Variants in ADAM12 observed in about 807,000 individuals in gnomAD.
ADAM12 encodes the protein ADAM metallopeptidase domain 12.
A neutral mutation model predicts 106.4 loss-of-function variants in ADAM12; 70 were observed. That is an observed-to-expected ratio of 0.66 (90% confidence interval 0.54 to 0.80). ADAM12 has a LOEUF of 0.80. ADAM12 is among the 30% of genes least tolerant of loss of function. ADAM12 has a pLI of 0.00. For missense variants in ADAM12, 1,010 were observed against 1,171.9 expected, an observed-to-expected ratio of 0.86 and a Z score of 2.02; for synonymous variants, 420 against 433.5, an observed-to-expected ratio of 0.97 and a Z score of 0.39.
intron 1 of ADAM12, among the ~76,000 whole-genome samples, chr10:126,377,978 T>C (rs1856354484): frequency 6.6e-6 from 1 of 152,164 alleles, no homozygotes; most frequent in South Asian, 2.1e-4. Context: ...GAGGATTGTT[T>C]AAACTAAACT....
rs766668917 is a variant in ADAM12 at position 126,388,464 on chromosome 10, C to T, written c.-319G>A. 3 of 217,586 alleles carry T rather than the reference C, an allele frequency of 1.4e-5. No individual in the cohort carries two copies. Among genetic ancestry groups the T allele is most frequent in the Non-Finnish European group, 2.7e-5 (3 of 111,140 alleles). 13.5% of individuals were successfully genotyped at this position (217,586 alleles called of 1,614,324 possible). A position where few individuals can be genotyped will look rare whatever the true frequency, so the allele number is the denominator to read the frequency against. ...TAGGAAGAGCGTTAGTGAGAGAAGG[C>T]AGGCCTGTGAAATGGATCCACGGCC... On this transcript the variant is annotated 5_prime_UTR_variant, in exon 1 of 23. Transcript: ENST00000448723. The surrounding 1 kb of genome is among the most constrained non-coding windows in gnomAD (Gnocchi z 4.4).
At chr10:126,122,309 T>C (rs541610083) in intron 5 of ADAM12, among the ~76,000 whole-genome samples, 1 of 152,186 alleles carries the variant, frequency 6.6e-6, no homozygotes, top group Non-Finnish European at 1.5e-5. Flanking sequence ...AACAGATCAT[T>C]CAGGGATTAC....
At chr10:126,251,835 T>C (rs1170082915) in intron 3 of ADAM12, among the ~76,000 whole-genome samples, 3 of 137,968 alleles carry the variant, frequency 2.2e-5, no homozygotes, top group Non-Finnish European at 4.5e-5. Context: ...ATAGGATAGA[T>C]GGATGAATGG....
intron 14 of ADAM12, among the ~76,000 whole-genome samples, chr10:126,063,396 G>T (rs1047493452): frequency 6.6e-6 from 1 of 152,218 alleles, no homozygotes; most frequent in Non-Finnish European, 1.5e-5. Context: ...CCATGCCTGG[G>T]CGTGGCTTTT....
At chr10:126,025,463 A>G (rs1256750352) in intron 21 of ADAM12, among the ~76,000 whole-genome samples, 2 of 150,332 alleles carry the variant, frequency 1.3e-5, no homozygotes, top group African/African-American at 4.9e-5. Context: ...CTATCCTGAA[A>G]TAAGATGGGC....
At chr10:126,253,109 C>A (rs1958818543) in intron 3 of ADAM12, among the ~76,000 whole-genome samples, 1 of 152,216 alleles carries the variant, frequency 6.6e-6, no homozygotes, top group Non-Finnish European at 1.5e-5. Context: ...AAGGACTGTG[C>A]CAAAATATGC....
chr10:126,121,491 C>A (rs1339699574), intron 5 of ADAM12, among the ~76,000 whole-genome samples: 2 of 82,174 alleles, frequency 2.4e-5, no homozygotes, highest in Admixed American at 1.4e-4. Context: ...TAATATGTAA[C>A]AATATATAAT....
At chr10:126,330,533 T>C (rs1290857244) in intron 1 of ADAM12, 24 bp from the exon 2 acceptor site, 5 of 1,591,986 alleles carry the variant, frequency 3.1e-6, no homozygotes, top group East Asian at 2.2e-5. Context: ...AAAACAGCCC[T>C]ATATTTCACT....
At chr10:126,351,969 A>C (rs1011780227) in intron 1 of ADAM12, among the ~76,000 whole-genome samples, 10 of 152,154 alleles carry the variant, frequency 6.6e-5, no homozygotes, top group African/African-American at 2.4e-4. Flanking sequence ...ACAAAGACTC[A>C]CTGAGTTGTT....
intron 6 of ADAM12, among the ~76,000 whole-genome samples, chr10:126,117,060 G>C (rs779344882): frequency 3.9e-5 from 6 of 152,168 alleles, no homozygotes; most frequent in Admixed American, 2.0e-4. Flanking sequence ...AAATTTTCTT[G>C]ATTTCTTGTC....
chr10:126,289,612 A>G (rs1275393729), intron 2 of ADAM12, among the ~76,000 whole-genome samples: 1 of 152,226 alleles, frequency 6.6e-6, no homozygotes, highest in Admixed American at 6.5e-5. Flanking sequence ...ATCAATTTCT[A>G]GGAGCATCCT....
In ADAM12 at chr10:126,038,676, A is replaced by G. The variant is rs373262923; in HGVS notation, c.2241-327T>C. Among the ~76,000 whole-genome samples the G allele has an allele frequency of 7.9e-5, 12 of 152,312 alleles. No individual in the cohort carries two copies. The East Asian group carries it at 2.3e-3, about 29-fold the overall frequency. ...GGATCAAAAGCTACCCCATCTGATG[A>G]AAATATTTCAATGTCTCCATGTTGT... On this transcript the variant is annotated intron_variant, in intron 19 of 22. Coordinates refer to ENST00000448723, the MANE Select transcript of ADAM12 (RefSeq NM_001288973.2).
intron 1 of ADAM12, among the ~76,000 whole-genome samples, chr10:126,334,029 C>T (rs935045541): frequency 1.3e-5 from 2 of 152,134 alleles, no homozygotes; most frequent in Non-Finnish European, 2.9e-5. Context: ...TATCTGTAGT[C>T]AGAAGACCGT....
At chr10:126,134,969 G>A (rs534318453) in intron 5 of ADAM12, among the ~76,000 whole-genome samples, 1 of 152,356 alleles carries the variant, frequency 6.6e-6, no homozygotes, top group South Asian at 2.1e-4. Flanking sequence ...ATTTTCCTGG[G>A]GAGCACATAA....
intron 14 of ADAM12, among the ~76,000 whole-genome samples, chr10:126,062,436 C>T (rs1347957749): frequency 6.6e-6 from 1 of 152,122 alleles, no homozygotes; most frequent in Non-Finnish European, 1.5e-5. Flanking sequence ...CCAGCCTCCC[C>T]CTCCATCATG....
chr10:126,051,787 C>T (rs1357853725), intron 14 of ADAM12, among the ~76,000 whole-genome samples: 1 of 152,220 alleles, frequency 6.6e-6, no homozygotes, highest in Admixed American at 6.5e-5. Flanking sequence ...GGACAAACCT[C>T]CTGCTTGCTT....
intron 14 of ADAM12, among the ~76,000 whole-genome samples, chr10:126,060,981 A>C (rs1296056593): frequency 6.6e-6 from 1 of 152,232 alleles, no homozygotes; most frequent in African/African-American, 2.4e-5. Context: ...AACTACCTGC[A>C]CTTGCCCTGG....
intron 3 of ADAM12, among the ~76,000 whole-genome samples, chr10:126,227,428 A>G (rs1035088444): frequency 6.6e-6 from 1 of 152,154 alleles, no homozygotes; most frequent in Non-Finnish European, 1.5e-5. Context: ...TGAGGCACTT[A>G]GTATTTGCCA....
chr10:126,026,402 C>A (rs117202555), intron 21 of ADAM12, among the ~76,000 whole-genome samples: 1 of 152,094 alleles, frequency 6.6e-6, no homozygotes, highest in Non-Finnish European at 1.5e-5. Context: ...ACATTCAGGA[C>A]TTGAACTCAG....
Sources: gnomAD v4.1 joint callset for allele counts (sites outside exome capture counted in the v4.1 genomes callset) on GRCh38, gnomAD v4.1.1 for gene constraint, Gnocchi (gnomAD v3.1) non-coding constraint, MANE v1.5 for transcripts, NCBI Gene and HGNC (gene_info 2026-07-23, HGNC 2026-07-21) for gene names.